The following PHF24 variants were observed in gnomAD, a reference collection of about 807,000 sequenced individuals.
PHF24 encodes PHD finger protein 24, also known as Galpha inhibitory interacting protein.
A neutral mutation model predicts 42.6 loss-of-function variants in PHF24; 25 were observed. The observed-to-expected ratio is 0.59, with a 90% CI of 0.43 to 0.82. The LOEUF (loss-of-function observed/expected upper bound fraction) is 0.82. Ranked by LOEUF, PHF24 falls within the 40% of genes least tolerant of loss-of-function variation. The pLI is 0.00. For synonymous variants in PHF24, 185 were observed against 204.8 expected (o/e 0.90, Z 0.83); for missense variants, 470 against 538.1 (o/e 0.87, Z 1.25).
the PHF24 span, chr9:34,833,203 G>C: frequency 1.1e-5 from 17 of 1,537,256 alleles, no homozygotes; most frequent in Non-Finnish European, 1.5e-5. Context: ...CCTTGCTCTT[G>C]CTAGGGCTTT....
chr9:34,747,283 G>A, the PHF24 span, among the ~76,000 whole-genome samples: 1 of 152,052 alleles, frequency 6.6e-6, no homozygotes, highest in African/African-American at 2.4e-5. Flanking sequence ...GGGCAGAGTG[G>A]CCTGTGCCTA....
the PHF24 span, among the ~76,000 whole-genome samples, chr9:34,846,536 C>A: frequency 6.6e-6 from 1 of 151,716 alleles, no homozygotes; most frequent in Non-Finnish European, 1.5e-5. Context: ...AAATTTTCTC[C>A]CATTTTGTAG....
At chr9:34,690,350 G>A in the PHF24 span, 1 of 1,612,964 alleles carries the variant, frequency 6.2e-7, no homozygotes, top group African/African-American at 1.3e-5. Context: ...GGGCTGGGAT[G>A]GGGAAAGAAG....
chr9:34,889,706 GTGGCCCTGCAAATTT>G, the PHF24 span: 2 of 398,032 alleles, frequency 5.0e-6, no homozygotes, highest in East Asian at 7.1e-5. Context: ...CCTAGAAAGT[GTGGCCCTGCAAATTT>G]TGACCCTGCA....
the PHF24 span, among the ~76,000 whole-genome samples, chr9:34,682,439 G>C: frequency 5.1e-4 from 78 of 152,094 alleles, 1 homozygote; most frequent in South Asian, 0.016. Flanking sequence ...CTGTCTTTCG[G>C]GGGGGTGAAT....
At chr9:34,835,838 G>T in the PHF24 span, 2 of 1,362,436 alleles carry the variant, frequency 1.5e-6, no homozygotes, top group Non-Finnish European at 2.1e-6. Flanking sequence ...CTGGAATGGA[G>T]CTCTATACTC....
At chr9:34,849,138 T>G in the PHF24 span, among the ~76,000 whole-genome samples, 1 of 152,180 alleles carries the variant, frequency 6.6e-6, no homozygotes, top group African/African-American at 2.4e-5. Flanking sequence ...AGAGCTGAGT[T>G]CAATTCCTGG....
the PHF24 span, among the ~76,000 whole-genome samples, chr9:34,785,675 C>T: frequency 4.3e-3 from 651 of 152,262 alleles, no homozygotes; most frequent in Non-Finnish European, 6.5e-3. Flanking sequence ...TAGTCTGCCA[C>T]CAAGTTCTTA....
the PHF24 span, among the ~76,000 whole-genome samples, chr9:34,903,018 G>A: frequency 1.3e-5 from 2 of 152,164 alleles, no homozygotes; most frequent in Admixed American, 6.5e-5. Flanking sequence ...TGCCAGGCCT[G>A]TTATACGCCT....
chr9:34,788,178 C>T, the PHF24 span, among the ~76,000 whole-genome samples: 6,418 of 152,164 alleles, frequency 0.042, 445 homozygotes, highest in African/African-American at 0.15. Flanking sequence ...GCTGGGACTA[C>T]AGGTGTGCAC....
the PHF24 span, among the ~76,000 whole-genome samples, chr9:34,740,538 C>T: frequency 6.6e-6 from 1 of 152,250 alleles, no homozygotes; most frequent in Non-Finnish European, 1.5e-5. Flanking sequence ...GAGTGCAGGG[C>T]CCGCCAAGCC....
the PHF24 span, among the ~76,000 whole-genome samples, chr9:34,937,964 G>C: frequency 5.3e-5 from 8 of 152,198 alleles, no homozygotes; most frequent in Non-Finnish European, 1.0e-4. Context: ...GAGAATCAGA[G>C]TGTTGAAGGA....
the PHF24 span, chr9:34,893,117 C>T: frequency 1.1e-5 from 9 of 839,968 alleles, no homozygotes; most frequent in Middle Eastern, 2.3e-4. Context: ...ACACAGGATT[C>T]GCCGCACACT....
chr9:34,852,663 A>T, the PHF24 span, among the ~76,000 whole-genome samples: 2 of 152,326 alleles, frequency 1.3e-5, no homozygotes, highest in East Asian at 3.9e-4. Flanking sequence ...AAACTCACAT[A>T]TGTGCTATGC....
the PHF24 span, among the ~76,000 whole-genome samples, chr9:34,779,429 A>G: frequency 6.6e-6 from 1 of 152,322 alleles, no homozygotes; most frequent in South Asian, 2.1e-4. Context: ...TAAGACGGCA[A>G]TGCTCCCTAT....
the PHF24 span, chr9:34,726,965 C>T: frequency 6.5e-7 from 1 of 1,550,024 alleles, no homozygotes; most frequent in Non-Finnish European, 8.7e-7. Context: ...CCGCACACTT[C>T]TCTCCAGAGG....
the PHF24 span, among the ~76,000 whole-genome samples, chr9:34,831,354 T>C: frequency 6.6e-6 from 1 of 152,146 alleles, no homozygotes; most frequent in Non-Finnish European, 1.5e-5. Flanking sequence ...GTAAGGATCA[T>C]GGCAAGGAGA....
chr9:34,712,907 T>C, the PHF24 span, among the ~76,000 whole-genome samples: 1 of 152,182 alleles, frequency 6.6e-6, no homozygotes, highest in Non-Finnish European at 1.5e-5. Flanking sequence ...ATCTACTATG[T>C]CCAATATCTG....
chr9:34,748,068 G>T, the PHF24 span, among the ~76,000 whole-genome samples: 1 of 152,222 alleles, frequency 6.6e-6, no homozygotes, highest in East Asian at 1.9e-4. Flanking sequence ...CAAAAATAAG[G>T]ATGTTAAAAG....
Sources: gnomAD v4.1 joint callset for allele counts (sites outside exome capture counted in the v4.1 genomes callset) on GRCh38, gnomAD v4.1.1 for gene constraint, MANE v1.5 for transcripts, NCBI Gene and HGNC (gene_info 2026-07-23, HGNC 2026-07-21) for gene names.